The following CHRNA7 variants were observed in gnomAD, a reference collection of about 807,000 sequenced individuals.
The protein encoded by CHRNA7 is neuronal acetylcholine receptor subunit alpha-7.
In CHRNA7, 17 loss-of-function variants were observed where a neutral mutation model predicts 48.0. That is an observed-to-expected ratio of 0.35 (90% CI 0.24 to 0.53). CHRNA7 has a LOEUF of 0.53. Among genes scored for constraint, CHRNA7 ranks in the 20% least tolerant of loss-of-function variants. The pLI is 0.92. For missense variants in CHRNA7, 155 were observed against 577.7 expected (o/e 0.27, Z 7.50); for synonymous variants, 75 against 242.3 (o/e 0.31, Z 6.41).
At chr15:32,143,165 C>A (rs1471126383) in intron 4 of CHRNA7, among the ~76,000 whole-genome samples, 1 of 152,170 alleles carries the variant, frequency 6.6e-6, no homozygotes, top group Admixed American at 6.5e-5. Flanking sequence ...TTTCTGCCTT[C>A]ATTTCGTTAT....
At chr15:32,126,607 A>G (rs1184914570) in intron 4 of CHRNA7, among the ~76,000 whole-genome samples, 3 of 152,106 alleles carry the variant, frequency 2.0e-5, no homozygotes, top group Non-Finnish European at 4.4e-5. Context: ...AATATATTTT[A>G]TGTGGTTAGA....
chr15:32,030,793 G>C (rs963034292), intron 1 of CHRNA7, 105 bp from the exon 2 acceptor site: 19 of 1,516,640 alleles, frequency 1.3e-5, no homozygotes, highest in Non-Finnish European at 1.6e-5. Flanking sequence ...GGGGCTGCTT[G>C]TCTGGGCTGC....
In CHRNA7 at chr15:32,065,082, A is replaced by G. The variant is rs74013042; in HGVS notation, c.195+34045A>G. Among the ~76,000 whole-genome samples, 1,412 of 152,350 alleles carry G rather than the reference A, an allele frequency of 9.3e-3. 32 individuals carry two copies. The highest frequency in any genetic ancestry group is 0.032 in the African/African-American group (1,336 of 41,576). ...AAAGTAAGTTTTTCAAAACTTTAGAAATAAACTAAGAGGAGACCAAAAGCT... is the reference window on the plus strand; with the variant it reads ...AAAGTAAGTTTTTCAAAACTTTAGAGATAAACTAAGAGGAGACCAAAAGCT... On this transcript the variant is annotated intron_variant, in intron 2 of 9. Transcript: ENST00000306901.
chr15:32,140,941 A>G (rs1422671343), intron 4 of CHRNA7, among the ~76,000 whole-genome samples: 3 of 151,946 alleles, frequency 2.0e-5, no homozygotes, highest in Non-Finnish European at 4.4e-5. Flanking sequence ...TCCTATTTGT[A>G]TATTTTGGCT....
intron 2 of CHRNA7, among the ~76,000 whole-genome samples, chr15:32,072,196 T>C (rs2050068916): frequency 6.6e-6 from 1 of 152,206 alleles, no homozygotes; most frequent in Non-Finnish European, 1.5e-5. Flanking sequence ...GTATTCATGT[T>C]CTAGGGATTT....
intron 2 of CHRNA7, among the ~76,000 whole-genome samples, chr15:32,072,405 G>C (rs1016812915): frequency 5.3e-5 from 8 of 152,164 alleles, no homozygotes; most frequent in African/African-American, 1.7e-4. Context: ...GCCTGGCTGT[G>C]TGAAAGAAAA....
chr15:32,128,268 C>A (rs1369641210), intron 4 of CHRNA7, among the ~76,000 whole-genome samples: 1 of 151,796 alleles, frequency 6.6e-6, no homozygotes, highest in Non-Finnish European at 1.5e-5. Context: ...ATTGTTTTAG[C>A]TATTTTAGTT....
intron 2 of CHRNA7, among the ~76,000 whole-genome samples, chr15:32,058,489 A>T (rs2049823930): frequency 6.6e-6 from 1 of 152,142 alleles, no homozygotes; most frequent in South Asian, 2.1e-4. Flanking sequence ...AGCTTCCTGG[A>T]TTTCCACTGG....
intron 4 of CHRNA7, among the ~76,000 whole-genome samples, chr15:32,151,868 A>G (rs2051636828): frequency 6.6e-6 from 1 of 152,050 alleles, no homozygotes; most frequent in African/African-American, 2.4e-5. Context: ...CTGTGATTCT[A>G]AGTTTCCCCT....
chr15:32,084,718 G>A (rs1007489823), intron 2 of CHRNA7, among the ~76,000 whole-genome samples: 6 of 152,192 alleles, frequency 3.9e-5, no homozygotes, highest in Admixed American at 6.5e-5. Context: ...TACTTTACTC[G>A]AGTGCAGCCT....
At chr15:32,072,208 T>C (rs1051929326) in intron 2 of CHRNA7, among the ~76,000 whole-genome samples, 1 of 152,210 alleles carries the variant, frequency 6.6e-6, no homozygotes, top group Non-Finnish European at 1.5e-5. Context: ...TAGGGATTTA[T>C]GGAAAGTTGA....
intron 2 of CHRNA7, among the ~76,000 whole-genome samples, chr15:32,092,505 C>T (rs1019893767): frequency 2.0e-5 from 3 of 152,050 alleles, no homozygotes; most frequent in Admixed American, 1.3e-4. Flanking sequence ...ATCATTCATT[C>T]ATTCATACTC....
chr15:32,090,625 T>G (rs1045155238), intron 2 of CHRNA7, among the ~76,000 whole-genome samples: 15 of 150,462 alleles, frequency 1.0e-4, no homozygotes, highest in Non-Finnish European at 2.2e-4. Context: ...CCCTCCTGAG[T>G]CCAATAAATG....
intron 2 of CHRNA7, among the ~76,000 whole-genome samples, chr15:32,032,604 A>C (rs186000483): frequency 8.5e-5 from 13 of 152,330 alleles, no homozygotes; most frequent in Admixed American, 8.5e-4. Flanking sequence ...GGTGTGTGAC[A>C]GGGTGAGAAA....
intron 2 of CHRNA7, among the ~76,000 whole-genome samples, chr15:32,078,073 G>T (rs2050161381): frequency 6.6e-6 from 1 of 152,074 alleles, no homozygotes; most frequent in Middle Eastern, 3.2e-3. Flanking sequence ...TGGGTTGCTT[G>T]TTTTCTTTTT....
chr15:32,154,772 C>T (rs2051700733), intron 5 of CHRNA7, among the ~76,000 whole-genome samples: 1 of 139,342 alleles, frequency 7.2e-6, no homozygotes, highest in Non-Finnish European at 1.5e-5. Flanking sequence ...CCACACCTAA[C>T]TACCACTCAC....
chr15:32,077,866 C>T (rs4779975), intron 2 of CHRNA7, among the ~76,000 whole-genome samples: 5,593 of 152,192 alleles, frequency 0.037, 137 homozygotes, highest in Middle Eastern at 0.095. Flanking sequence ...TAACAACTAG[C>T]ACTCACTGCT....
intron 4 of CHRNA7, among the ~76,000 whole-genome samples, chr15:32,122,036 G>A (rs1477744365): frequency 6.6e-6 from 1 of 152,222 alleles, no homozygotes; most frequent in African/African-American, 2.4e-5. Flanking sequence ...AACATCACAC[G>A]ATGCTGCGGA....
intron 2 of CHRNA7, among the ~76,000 whole-genome samples, chr15:32,063,732 A>G (rs560368660): frequency 6.6e-6 from 1 of 152,308 alleles, no homozygotes; most frequent in Non-Finnish European, 1.5e-5. Flanking sequence ...TCCTGAAACC[A>G]CTTGAGGGAC....
Sources: gnomAD v4.1 joint callset for allele counts (sites outside exome capture counted in the v4.1 genomes callset) on GRCh38, gnomAD v4.1.1 for gene constraint, MANE v1.5 for transcripts, NCBI Gene and HGNC (gene_info 2026-07-23, HGNC 2026-07-21) for gene names.